UBA7: variants seen among roughly 807,000 people sequenced by gnomAD.
The protein encoded by UBA7 is ubiquitin like modifier activating enzyme 7.
UBA7 carries 88 observed loss-of-function variants against 113.0 expected under a neutral mutation model. The observed-to-expected ratio is 0.78, with a 90% CI of 0.66 to 0.93. The LOEUF (loss-of-function observed/expected upper bound fraction) is 0.93. Ranked by LOEUF, UBA7 falls within the 40% of genes least tolerant of loss-of-function variation. The pLI is 0.00. For missense variants in UBA7, 1,092 were observed against 1,266.4 expected (o/e 0.86, Z 2.09); for synonymous variants, 459 against 513.0 (o/e 0.89, Z 1.42).
chr3:49,809,592 A>T lies in UBA7; in HGVS notation c.2038T>A (p.Cys680Ser). The T allele has an allele frequency of 6.2e-7, 1 of 1,614,112 alleles. No homozygotes were observed. Among genetic ancestry groups the T allele is most frequent in the Non-Finnish European group, 8.5e-7 (1 of 1,180,030 alleles). The change falls in exon 16 of 24, where the codon TGC (cysteine) becomes AGC (serine). Residue 680 changes from cysteine (C) to serine (S), a missense_variant. Cys to Ser is a moderately radical substitution (Grantham distance 112, BLOSUM62 -1). Around this residue, in one of 3 missense-constraint regions of UBA7, gnomAD observed 500 missense variants for 529.3 expected, o/e 0.94. Transcript: ENST00000333486. ...VAWALGHWKL[C>S]FHYGIKQLLR... ...AGCTGTTTGATGCCATAATGAAAGC[A>T]GAGTTTCCAGTGGCCAAGAGCCCAC...
rs368205636 is a variant in UBA7 at position 49,807,703 on chromosome 3, A to C, written c.2715+33T>G. On this transcript the variant is annotated intron_variant, in intron 21 of 23. Coordinates refer to ENST00000333486, the MANE Select transcript of UBA7 (RefSeq NM_003335.3). The surrounding 1 kb of genome is among the most constrained non-coding windows in gnomAD (Gnocchi z 4.0). Reference sequence around the variant, plus strand: ...GCAGGTGCAGGGGAAACCCAGGCCTAGTAGGGCTAAGGGTGGGGTATCATG... The same window carrying C: ...GCAGGTGCAGGGGAAACCCAGGCCTCGTAGGGCTAAGGGTGGGGTATCATG... The C allele has an allele frequency of 3.2e-6, 5 of 1,570,310 alleles. No homozygotes were observed. In the African/African-American group the frequency reaches 4.1e-5, roughly 13 times the overall value.
At chr3:49,808,158 C>T in intron 19 of UBA7, 46 bp from the exon 20 acceptor site, 1 of 1,604,688 alleles carries the variant, frequency 6.2e-7, no homozygotes, top group Non-Finnish European at 8.5e-7. Context: ...AGCTGTGCCC[C>T]TCACCGTGGC....
chr3:49,805,684 G>T (rs1191736762), intron 23 of UBA7, among the ~76,000 whole-genome samples: 1 of 152,158 alleles, frequency 6.6e-6, no homozygotes, highest in Non-Finnish European at 1.5e-5. Flanking sequence ...GGGAGCCCAT[G>T]GGGCTGGCCA....
Position 49,808,068 on chromosome 3 carries a change from A to G in UBA7, c.2475T>C (p.Ala825=), listed in dbSNP as rs745611751. The part of the protein sequence containing the change: ...NFHVDFVVAA[A]SLRCQNYGIP... The stretch of plus-strand genomic sequence containing the variant: ...TCCCGTAGTTCTGACATCTCAGGCT[A>G]GCTGCCGCTACCACAAAGTCCACAT... Residue 825 remains alanine (A), a synonymous_variant, in exon 20 of 24, where the codon GCT becomes GCC. Transcript: ENST00000333486. The G allele has an allele frequency of 8.1e-6, 13 of 1,614,002 alleles. No homozygotes were observed. The Admixed American group carries it at 2.2e-4, about 27-fold the overall frequency.
intron 19 of UBA7, 26 bp downstream of exon 19, chr3:49,808,360 C>T: frequency 1.2e-6 from 2 of 1,614,072 alleles, no homozygotes; most frequent in Non-Finnish European, 1.7e-6. Flanking sequence ...CCCAGCCCCA[C>T]TCCTCACTGC....
Position 49,808,021 on chromosome 3 carries a change from T to G in UBA7, c.2522A>C (p.Gln841Pro). The G allele has an allele frequency of 6.2e-7, 1 of 1,614,158 alleles. No homozygotes were observed. The highest frequency in any genetic ancestry group is 8.5e-7 in the Non-Finnish European group (1 of 1,179,992). Residue 841 changes from glutamine to proline, a missense_variant and splice_region_variant, in exon 20 of 24, where the codon CAG becomes CCG. Gln to Pro is a moderately conservative substitution (Grantham distance 76, BLOSUM62 -1). Transcript: ENST00000333486. ...NYGIPPVNRA[Q>P]SKRIVGQIIP... Reference sequence around the variant, plus strand: ...CCAAGCCTCAAGGGGTGGGGTTACCTGGGCACGGTTGACCGGTGGAATCCC... The same window carrying G: ...CCAAGCCTCAAGGGGTGGGGTTACCGGGGCACGGTTGACCGGTGGAATCCC...
chr3:49,810,678 G>A lies in UBA7; in HGVS notation c.1312-6C>T. 1 of 1,614,072 alleles carries A rather than the reference G, an allele frequency of 6.2e-7. No homozygotes were observed. Among genetic ancestry groups the A allele is most frequent in the Non-Finnish European group, 8.5e-7 (1 of 1,179,972 alleles). On this transcript the variant is annotated splice_region_variant and splice_polypyrimidine_tract_variant and intron_variant, in intron 11 of 23. Coordinates refer to ENST00000333486, the MANE Select transcript of UBA7 (RefSeq NM_003335.3). The surrounding 1 kb of genome is among the most constrained non-coding windows in gnomAD (Gnocchi z 5.6). Reference sequence around the variant, plus strand: ...CCAATGGCACCAGCGCCCACCTGTTGGCAGGAACAGCCTTAGCCAGAGGGG... The same window carrying A: ...CCAATGGCACCAGCGCCCACCTGTTAGCAGGAACAGCCTTAGCCAGAGGGG...
intron 19 of UBA7, 21 bp downstream of exon 19, chr3:49,808,365 C>T: frequency 6.2e-7 from 1 of 1,614,168 alleles, no homozygotes; most frequent in Non-Finnish European, 8.5e-7. Context: ...CCCCACTCCT[C>T]ACTGCCACTT....
Position 49,805,437 on chromosome 3 carries a change from C to G in UBA7, c.2910G>C (p.Arg970Ser), listed in dbSNP as rs1465734074. The G allele has an allele frequency of 6.3e-7, 1 of 1,581,750 alleles. No homozygotes were observed. ...TCAGCTGCTGAACCAGTTCTGTCACCCTGGTAGGGGTGGGTTTAGGGGAGA... is the reference window on the plus strand; with the variant it reads ...TCAGCTGCTGAACCAGTTCTGTCACGCTGGTAGGGGTGGGTTTAGGGGAGA... ...PEKQAQHLPLRVTELVQQLTG... is the reference protein window; with the variant it reads ...PEKQAQHLPLSVTELVQQLTG... The change falls in exon 24 of 24, where the codon AGG (arginine) becomes AGC (serine). Residue 970 changes from arginine to serine, a missense_variant and splice_region_variant. Arg to Ser is a moderately radical substitution (Grantham distance 110, BLOSUM62 -1). This residue lies in a region of UBA7 where 500 missense variants were observed against 529.3 expected (regional missense o/e 0.94). Transcript: ENST00000333486.
Position 49,809,013 on chromosome 3 carries a change from A to AGCAAAGATGGGG in UBA7, c.2298_2309dup (p.Pro767_Ala770dup). The AGCAAAGATGGGG allele has an allele frequency of 1.2e-6, 2 of 1,613,868 alleles. No homozygotes were observed. Among genetic ancestry groups the AGCAAAGATGGGG allele is most frequent in the Non-Finnish European group, 1.7e-6 (2 of 1,180,012 alleles). ...AAGCCGAAGCCAGCTCTAGATTACTAGCAAAGATGGGGGCCATCTGTTGGG... is the reference window on the plus strand; with the variant it reads ...AAGCCGAAGCCAGCTCTAGATTACTAGCAAAGATGGGGGCAAAGATGGGGGCCATCTGTTGGG... On this transcript the variant is annotated inframe_insertion, in exon 18 of 24. Transcript: ENST00000333486.
chr3:49,810,768 C>A lies in UBA7; in HGVS notation c.1295G>T (p.Arg432Leu), dbSNP rs772891199. 8 of 1,614,136 alleles carry A rather than the reference C, an allele frequency of 5.0e-6. No individual in the cohort carries two copies. Among genetic ancestry groups the A allele is most frequent in the Non-Finnish European group, 6.8e-6 (8 of 1,180,026 alleles). The change falls in exon 11 of 24, where the codon CGC becomes CTC. Residue 432 changes from arginine to leucine, a missense_variant. Physicochemically the swap from Arg to Leu is moderately radical, Grantham distance 102. This residue lies in a region of UBA7 where 584 missense variants were observed against 714.5 expected (regional missense o/e 0.82). Coordinates refer to ENST00000333486, the MANE Select transcript of UBA7 (RefSeq NM_003335.3). This position sits in a 1 kb window ranked among gnomAD's most constrained non-coding sequence, Gnocchi z 5.6. Reference protein sequence around the residue: ...FGAGFQEKLRRQHYLLVGAGA... With the variant: ...FGAGFQEKLRLQHYLLVGAGA... ...ACAGCTCACCAGGAGGTAGTGCTGG[C>A]GTCTCAGTTTCTCCTGAAAACCAGC...
Position 49,805,271 on chromosome 3 carries a change from G to C in UBA7, c.*37C>G. 6.3e-7 allele frequency: 1 copy of C among 1,597,174 alleles called. No individual in the cohort carries two copies. The highest frequency in any genetic ancestry group is 8.6e-7 in the Non-Finnish European group (1 of 1,166,500). On this transcript the variant is annotated 3_prime_UTR_variant, in exon 24 of 24. Coordinates refer to ENST00000333486, the MANE Select transcript of UBA7 (RefSeq NM_003335.3). ...CTTACAATGCAGGGCTTGGGATCCG[G>C]GGCTCCATTGAGCTAGGTGACAGGG...
chr3:49,810,202 G>A lies in UBA7; in HGVS notation c.1634-19C>T, dbSNP rs746423288. 6 of 1,612,582 alleles carry A rather than the reference G, an allele frequency of 3.7e-6. No homozygotes were observed. In the South Asian group the frequency reaches 5.5e-5, roughly 15 times the overall value. ...TAGCGCCCTGGCAAGGGAGCAGTGGGTCAGAAGTGGGACTGGCACAGCTGT... is the reference window on the plus strand; with the variant it reads ...TAGCGCCCTGGCAAGGGAGCAGTGGATCAGAAGTGGGACTGGCACAGCTGT... On this transcript the variant is annotated intron_variant, in intron 13 of 23. Transcript: ENST00000333486. This position sits in a 1 kb window ranked among gnomAD's most constrained non-coding sequence, Gnocchi z 5.6.
intron 18 of UBA7, 136 bp from the exon 19 acceptor site, chr3:49,808,604 T>G: frequency 3.2e-6 from 3 of 935,758 alleles, no homozygotes; most frequent in Non-Finnish European, 4.8e-6. Context: ...CCCCCTTAAT[T>G]AATGCTACAA....
intron 21 of UBA7, 132 bp from the exon 22 acceptor site, chr3:49,806,297 G>T: frequency 1.3e-6 from 1 of 794,552 alleles, no homozygotes; most frequent in Non-Finnish European, 2.0e-6. Flanking sequence ...GGGTGGGGGG[G>T]AGGTGGGATC....
At position 49,813,341 on chromosome 3, in the gene UBA7, C is replaced by T. The variant is rs758593446; in HGVS notation, c.268G>A (p.Ala90Thr). ...AGCTGAGCCAAGAGCTCTTGAGAGGCCTCGGCTCTGCTCCTTTCCAAGTCC... is the reference window on the plus strand; with the variant it reads ...AGCTGAGCCAAGAGCTCTTGAGAGGTCTCGGCTCTGCTCCTTTCCAAGTCC... ...EQDLERSRAEASQELLAQLNR... is the reference protein window; with the variant it reads ...EQDLERSRAETSQELLAQLNR... Residue 90 changes from alanine to threonine, a missense_variant, in exon 3 of 24, where the codon GCC (alanine) becomes ACC (threonine). Around this residue, in one of 3 missense-constraint regions of UBA7, gnomAD observed 584 missense variants for 714.5 expected, o/e 0.82. Transcript: ENST00000333486. 2.5e-5 allele frequency: 41 copies of T among 1,614,034 alleles called. No individual in the cohort carries two copies. The highest frequency in any genetic ancestry group is 3.4e-5 in the Non-Finnish European group (40 of 1,180,050).
At chr3:49,809,331 T>C in intron 17 of UBA7, 59 bp downstream of exon 17, 7 of 1,586,688 alleles carry the variant, frequency 4.4e-6, no homozygotes, top group Admixed American at 1.7e-5. Flanking sequence ...CAGAAATGCC[T>C]ACCTCTGCTC....
Position 49,805,318 on chromosome 3 carries a change from T to C in UBA7, c.3029A>G (p.Tyr1010Cys). 1.2e-6 allele frequency: 2 copies of C among 1,613,776 alleles called. No homozygotes were observed. The highest frequency in any genetic ancestry group is 1.7e-6 in the Non-Finnish European group (2 of 1,179,882). The change falls in exon 24 of 24, where the codon TAT becomes TGT. Residue 1010 changes from tyrosine (Y) to cysteine (C), a missense_variant. This residue lies in a region of UBA7 where 500 missense variants were observed against 529.3 expected (regional missense o/e 0.94). Transcript: ENST00000333486. ...DEDTAFPPLHYEL is the reference protein window; with the variant it reads ...DEDTAFPPLHCEL ...AGGGTGGCTGCCTTGTCACAGCTCATAGTGCAGAGGTGGGAAGGCAGTGTC... is the reference window on the plus strand; with the variant it reads ...AGGGTGGCTGCCTTGTCACAGCTCACAGTGCAGAGGTGGGAAGGCAGTGTC...
rs767308121 is a variant in UBA7 at position 49,811,369 on chromosome 3, ATCCAGTGGCTCT to A, written c.1014_1025del (p.Glu338_Leu341del). On this transcript the variant is annotated inframe_deletion, in exon 9 of 24. Transcript: ENST00000333486. Reference sequence around the variant, plus strand: ...GGGCGACTGTCCGCACTAGGGCCTCATCCAGTGGCTCTTCCAGTGGCTCTTCCTCTGTCCGCT... The same window carrying A: ...GGGCGACTGTCCGCACTAGGGCCTCATCCAGTGGCTCTTCCTCTGTCCGCT... 2.8e-5 allele frequency: 45 copies of A among 1,613,958 alleles called. No individual in the cohort carries two copies. Among genetic ancestry groups the A allele is most frequent in the South Asian group, 2.6e-4 (24 of 91,058 alleles).
Sources: gnomAD v4.1 joint callset for allele counts (sites outside exome capture counted in the v4.1 genomes callset) on GRCh38, gnomAD v4.1.1 for gene constraint, gnomAD v4.1.1 regional missense constraint, Gnocchi (gnomAD v3.1) non-coding constraint, MANE v1.5 for transcripts, NCBI Gene and HGNC (gene_info 2026-07-23, HGNC 2026-07-21) for gene names.